Variants in CSMD1 observed in about 807,000 individuals in gnomAD.
CSMD1 encodes the protein CUB and sushi domain-containing protein 1.
In CSMD1, 213 loss-of-function variants were observed where a neutral mutation model predicts 417.5. That is an observed-to-expected ratio of 0.51 (90% CI 0.46 to 0.57). CSMD1 has a LOEUF of 0.57. Among genes scored for constraint, CSMD1 ranks in the 20% least tolerant of loss-of-function variants. The pLI is 0.00. For synonymous variants in CSMD1, 2,862 were observed against 1,736.8 expected (o/e 1.65, Z -16.11); for missense variants, 6,923 against 4,529.7 (o/e 1.53, Z -15.17).
chr8:4,718,763 T>C (rs1382254), intron 1 of CSMD1, among the ~76,000 whole-genome samples: 137,364 of 152,064 alleles, frequency 0.9, 62,284 homozygotes, highest in East Asian at 0.99. Flanking sequence ...TAAAAGAAAA[T>C]ACTCTTTTTA....
chr8:3,482,536 G>C (rs576389637), intron 11 of CSMD1, among the ~76,000 whole-genome samples: 49 of 152,142 alleles, frequency 3.2e-4, no homozygotes, highest in Non-Finnish European at 5.3e-4. Context: ...AACTGATAAA[G>C]CTAAGAGAAA....
intron 4 of CSMD1, among the ~76,000 whole-genome samples, chr8:4,015,485 A>G (rs2031111480): frequency 3.3e-5 from 5 of 152,096 alleles, no homozygotes; most frequent in African/African-American, 1.2e-4. Flanking sequence ...ACAATTAAAG[A>G]AAACCACAGC....
At chr8:4,598,987 C>T (rs557511036) in intron 2 of CSMD1, among the ~76,000 whole-genome samples, 13 of 152,184 alleles carry the variant, frequency 8.5e-5, no homozygotes, top group South Asian at 4.2e-4. Flanking sequence ...AAGAAAGTTA[C>T]GTGTACCAGA....
chr8:4,393,925 T>C (rs1461047272), intron 3 of CSMD1, among the ~76,000 whole-genome samples: 1 of 152,156 alleles, frequency 6.6e-6, no homozygotes, highest in East Asian at 1.9e-4. Context: ...GTTAGCTAGA[T>C]TGTAAGATAT....
chr8:4,457,579 C>T (rs1449012600), intron 2 of CSMD1, among the ~76,000 whole-genome samples: 2 of 152,008 alleles, frequency 1.3e-5, no homozygotes, highest in East Asian at 1.9e-4. Context: ...TGTCTCTGAG[C>T]TTCAAATGCA....
intron 5 of CSMD1, among the ~76,000 whole-genome samples, chr8:3,785,838 A>C (rs1413480643): frequency 2.0e-5 from 3 of 152,158 alleles, no homozygotes; most frequent in Non-Finnish European, 1.5e-5. Context: ...CTTATTCCTG[A>C]GGGCTTTGGG....
intron 4 of CSMD1, among the ~76,000 whole-genome samples, chr8:4,022,128 A>ATATG: frequency 1.4e-5 from 2 of 146,980 alleles, no homozygotes; most frequent in South Asian, 4.2e-4. Context: ...GAATATATAT[A>ATATG]TATACATAAA....
intron 5 of CSMD1, among the ~76,000 whole-genome samples, chr8:3,831,036 C>T (rs1156270190): frequency 2.6e-5 from 4 of 152,046 alleles, no homozygotes; most frequent in African/African-American, 4.8e-5. Context: ...CAGCTTAATG[C>T]GCGAACAGGG....
intron 7 of CSMD1, among the ~76,000 whole-genome samples, chr8:3,647,056 C>T (rs1379471957): frequency 2.0e-5 from 3 of 152,184 alleles, no homozygotes; most frequent in Non-Finnish European, 2.9e-5. Flanking sequence ...CGTGTCAGCT[C>T]AGGTTTTCTT....
intron 3 of CSMD1, among the ~76,000 whole-genome samples, chr8:4,174,369 G>C (rs775049952): frequency 3.9e-5 from 6 of 152,098 alleles, no homozygotes; most frequent in East Asian, 1.9e-4. Context: ...GAGAGAGCAA[G>C]TCATTTGCGC....
At chr8:4,893,636 C>T (rs889644978) in intron 1 of CSMD1, among the ~76,000 whole-genome samples, 1 of 152,112 alleles carries the variant, frequency 6.6e-6, no homozygotes, top group Non-Finnish European at 1.5e-5. Context: ...TTTGCCAATA[C>T]ATTTTATGAG....
At chr8:3,555,180 G>T (rs1406880660) in intron 10 of CSMD1, among the ~76,000 whole-genome samples, 1 of 151,932 alleles carries the variant, frequency 6.6e-6, no homozygotes, top group Non-Finnish European at 1.5e-5. Context: ...GGAGAAATGT[G>T]TCTGGGAGGT....
intron 2 of CSMD1, among the ~76,000 whole-genome samples, chr8:4,560,294 G>C (rs1001312247): frequency 1.3e-5 from 2 of 152,212 alleles, no homozygotes; most frequent in Non-Finnish European, 1.5e-5. Context: ...CAGTTCTCTA[G>C]AAAGTTGTTT....
chr8:3,603,861 G>A (rs1033123195), intron 8 of CSMD1, among the ~76,000 whole-genome samples: 14 of 152,094 alleles, frequency 9.2e-5, no homozygotes, highest in Non-Finnish European at 1.9e-4. Context: ...TCTTCTAGTT[G>A]TACATAAATG....
At chr8:4,830,447 G>C (rs1234208271) in intron 1 of CSMD1, among the ~76,000 whole-genome samples, 2 of 152,184 alleles carry the variant, frequency 1.3e-5, no homozygotes, top group Non-Finnish European at 2.9e-5. Flanking sequence ...TACCGTTTCA[G>C]ATAATGACTT....
intron 48 of CSMD1, among the ~76,000 whole-genome samples, chr8:3,088,265 T>G (rs76655841): frequency 0.011 from 1,619 of 152,316 alleles, 30 homozygotes; most frequent in African/African-American, 0.037. Context: ...TGCACAAGGC[T>G]AGGTCACTAC....
intron 5 of CSMD1, among the ~76,000 whole-genome samples, chr8:3,897,200 G>C (rs1224370466): frequency 6.6e-6 from 1 of 152,162 alleles, no homozygotes; most frequent in East Asian, 1.9e-4. Context: ...GTGTCAAGAA[G>C]TTATCAAAAC....
intron 54 of CSMD1, among the ~76,000 whole-genome samples, chr8:2,989,614 G>A (rs894056770): frequency 3.3e-5 from 5 of 152,186 alleles, no homozygotes; most frequent in African/African-American, 1.2e-4. Flanking sequence ...ATTTGTTTAA[G>A]CTGTGCAACA....
intron 5 of CSMD1, among the ~76,000 whole-genome samples, chr8:3,957,074 G>A (rs944957397): frequency 6.6e-6 from 1 of 152,074 alleles, no homozygotes; most frequent in African/African-American, 2.4e-5. Flanking sequence ...AAACGCCGGG[G>A]GAGGCTCTGT....
Sources: gnomAD v4.1 joint callset for allele counts (sites outside exome capture counted in the v4.1 genomes callset) on GRCh38, gnomAD v4.1.1 for gene constraint, MANE v1.5 for transcripts, NCBI Gene and HGNC (gene_info 2026-07-23, HGNC 2026-07-21) for gene names.